The following GRAMD2B variants were observed in gnomAD, a reference collection of about 807,000 sequenced individuals.
GRAMD2B encodes the protein GRAM domain containing 2B, also known as GRAM domain-containing protein 2B.
Under a neutral mutation model 59.2 loss-of-function variants are expected in GRAMD2B, and 41 were observed. The observed-to-expected ratio is 0.69, with a 90% CI of 0.54 to 0.90. GRAMD2B has a LOEUF of 0.90. Among genes scored for constraint, GRAMD2B ranks in the 40% least tolerant of loss-of-function variants. The pLI is 0.00. For missense variants in GRAMD2B, 424 were observed against 500.5 expected, an observed-to-expected ratio of 0.85 and a Z score of 1.46; for synonymous variants, 161 against 182.7, an observed-to-expected ratio of 0.88 and a Z score of 0.96.
chr5:126,458,168 C>T (rs1766673684), intron 1 of GRAMD2B, among the ~76,000 whole-genome samples: 1 of 152,086 alleles, frequency 6.6e-6, no homozygotes, highest in Non-Finnish European at 1.5e-5. Context: ...GGCACAGTGG[C>T]TTGTGCCTAT....
rs117945696 is a variant in GRAMD2B, at chr5:126,480,238, G to A, written c.583-218G>A. Reference sequence around the variant, plus strand: ...ACATGTATTTATTACTCTTAAATTGGGTTTGAAGATTTTGTTGCTTTTATG... The same window carrying A: ...ACATGTATTTATTACTCTTAAATTGAGTTTGAAGATTTTGTTGCTTTTATG... On this transcript the variant is annotated intron_variant, in intron 6 of 13. Coordinates refer to ENST00000285689, the MANE Select transcript of GRAMD2B (RefSeq NM_023927.4). 416 of 520,866 alleles carry A rather than the reference G, an allele frequency of 8.0e-4. 6 individuals are homozygous for A. The East Asian group carries it at 0.012, about 15-fold the overall frequency. 32.3% of individuals were successfully genotyped at this position (520,866 alleles called of 1,614,324 possible).
chr5:126,400,542 T>C (rs950823666), intron 1 of GRAMD2B, among the ~76,000 whole-genome samples: 2 of 152,180 alleles, frequency 1.3e-5, no homozygotes, highest in African/African-American at 4.8e-5. Flanking sequence ...TATACTTATC[T>C]TTACCAGTGA....
At position 126,491,689 on chromosome 5, in the gene GRAMD2B, G is replaced by T. The variant is rs73338081; in HGVS notation, c.1258-1226G>T. ...TGCAAGGTTTCTACTCCCATCACAG[G>T]GCTGGTTGTTGAGAATTCCTTGCTC... On this transcript the variant is annotated intron_variant, in intron 13 of 13. Coordinates refer to ENST00000285689, the MANE Select transcript of GRAMD2B (RefSeq NM_023927.4). 4.8e-3 allele frequency among the ~76,000 whole-genome samples: 725 copies of T among 152,126 alleles called. 6 individuals are homozygous for T. Among genetic ancestry groups the T allele is most frequent in the African/African-American group, 0.016 (644 of 41,512 alleles).
In GRAMD2B at chr5:126,493,838, A is replaced by C. The variant is rs1658007018; in HGVS notation, c.*882A>C. 1 of 152,672 alleles carries C rather than the reference A, an allele frequency of 6.5e-6. No individual in the cohort carries two copies. The highest frequency in any genetic ancestry group is 1.5e-5 in the Non-Finnish European group (1 of 68,040). 9.5% of individuals were successfully genotyped at this position (152,672 alleles called of 1,614,324 possible). ...GTATTCAGCATTCAATAATGCTAAAATCCCTTTCAGCATGAAATTTGTATG... is the reference window on the plus strand; with the variant it reads ...GTATTCAGCATTCAATAATGCTAAACTCCCTTTCAGCATGAAATTTGTATG... On this transcript the variant is annotated 3_prime_UTR_variant, in exon 14 of 14. Transcript: ENST00000285689.
intron 9 of GRAMD2B, 84 bp downstream of exon 9, chr5:126,483,658 G>C: frequency 1.3e-5 from 9 of 672,880 alleles, no homozygotes; most frequent in Non-Finnish European, 9.7e-6. Flanking sequence ...AAAAAGAAAA[G>C]AAAAGAAAGA....
chr5:126,371,419 G>T, exon 1 of GRAMD2B: 5 of 1,274,284 alleles, frequency 3.9e-6, no homozygotes, highest in Non-Finnish European at 4.1e-6. Flanking sequence ...GTTGTTCCTT[G>T]ACTTGCGGGT....
chr5:126,458,402 T>C lies in GRAMD2B; in HGVS notation c.84-7024T>C, dbSNP rs1345977292. ...GCGAGCCAAGATTGCGTTACTGCACTGCACTCCAGCCTGAGCGACAGAGTA... is the reference window on the plus strand; with the variant it reads ...GCGAGCCAAGATTGCGTTACTGCACCGCACTCCAGCCTGAGCGACAGAGTA... On this transcript the variant is annotated intron_variant, in intron 1 of 13. Transcript: ENST00000285689. 2.6e-5 allele frequency among the ~76,000 whole-genome samples: 4 copies of C among 151,000 alleles called. No homozygotes were observed. The South Asian group carries it at 6.3e-4, about 24-fold the overall frequency.
intron 1 of GRAMD2B, chr5:126,462,309 A>T: frequency 2.3e-6 from 1 of 440,686 alleles, no homozygotes; most frequent in Non-Finnish European, 3.0e-6. Flanking sequence ...CTTCATTGAC[A>T]GTAACTTAAA....
intron 1 of GRAMD2B, among the ~76,000 whole-genome samples, chr5:126,395,674 G>T (rs1390626660): frequency 3.9e-5 from 6 of 152,132 alleles, no homozygotes. Context: ...GTTTAAAAGA[G>T]AAAAAGAACA....
chr5:126,416,003 A>T (rs1759237553), intron 1 of GRAMD2B, among the ~76,000 whole-genome samples: 2 of 152,252 alleles, frequency 1.3e-5, no homozygotes, highest in Non-Finnish European at 2.9e-5. Context: ...GAAAAAGAAC[A>T]TGCCAATCAT....
intron 1 of GRAMD2B, among the ~76,000 whole-genome samples, chr5:126,417,063 A>G (rs1484807711): frequency 6.6e-6 from 1 of 152,224 alleles, no homozygotes; most frequent in Non-Finnish European, 1.5e-5. Flanking sequence ...ATTTACCCAC[A>G]TGCCTAATGA....
At chr5:126,360,143 T>C in exon 1 of GRAMD2B, 1 of 580,206 alleles carries the variant, frequency 1.7e-6, no homozygotes, top group Non-Finnish European at 3.1e-6. Flanking sequence ...CTCACACATG[T>C]GGGTTTCAAG....
upstream of GRAMD2B, chr5:126,423,081 A>T (rs1351533464): frequency 1.2e-6 from 1 of 814,904 alleles, no homozygotes; most frequent in Non-Finnish European, 1.5e-6. Flanking sequence ...AGGATGGGGC[A>T]TAGGCCAGCC....
intron 1 of GRAMD2B, among the ~76,000 whole-genome samples, chr5:126,408,052 C>A (rs1758413043): frequency 6.6e-6 from 1 of 152,036 alleles, no homozygotes; most frequent in African/African-American, 2.4e-5. Flanking sequence ...TCTCATCACC[C>A]AGGTCCTGAG....
Position 126,470,623 on chromosome 5 carries a change from A to G in GRAMD2B, c.315+835A>G, listed in dbSNP as rs1237676877. ...GCCCAGGCTGGAGTGCAGTGCCACA[A>G]TCTTGGCTCACTGCAACCTCCACCT... On this transcript the variant is annotated intron_variant, in intron 3 of 13. Transcript: ENST00000285689. Among the ~76,000 whole-genome samples the G allele has an allele frequency of 2.0e-5, 3 of 152,160 alleles. No individual in the cohort carries two copies. The East Asian group carries it at 5.8e-4, about 29-fold the overall frequency.
At chr5:126,362,195 A>C (rs1754251295) in intron 1 of GRAMD2B, among the ~76,000 whole-genome samples, 1 of 152,216 alleles carries the variant, frequency 6.6e-6, no homozygotes, top group Non-Finnish European at 1.5e-5. Flanking sequence ...CTCAATTCTG[A>C]AGACCAAACG....
chr5:126,402,973 G>T (rs1191441153), intron 1 of GRAMD2B, among the ~76,000 whole-genome samples: 1 of 151,888 alleles, frequency 6.6e-6, no homozygotes, highest in Non-Finnish European at 1.5e-5. Flanking sequence ...AAAGGAGAGG[G>T]TCACATAAGG....
At chr5:126,416,081 A>G (rs1273343066) in intron 1 of GRAMD2B, among the ~76,000 whole-genome samples, 1 of 152,246 alleles carries the variant, frequency 6.6e-6, no homozygotes, top group Admixed American at 6.5e-5. Flanking sequence ...AAACAAGGAA[A>G]GGAAGTAGCT....
intron 1 of GRAMD2B, among the ~76,000 whole-genome samples, chr5:126,394,595 A>G (rs1357870830): frequency 2.0e-5 from 3 of 152,170 alleles, no homozygotes; most frequent in South Asian, 2.1e-4. Context: ...TTCCATTTCA[A>G]TATTCTGCCT....
Sources: allele counts gnomAD v4.1 joint callset (sites outside exome capture counted in the v4.1 genomes callset), GRCh38; gene constraint gnomAD v4.1.1; transcripts MANE v1.5; gene names NCBI Gene and HGNC (gene_info 2026-07-23, HGNC 2026-07-21).